Variants in ABLIM3 observed in about 807,000 individuals in gnomAD.
ABLIM3 encodes actin-binding LIM protein 3.
A neutral mutation model predicts 109.5 loss-of-function variants in ABLIM3; 61 were observed. The observed-to-expected ratio is 0.56, with a 90% confidence interval of 0.45 to 0.69. The LOEUF (loss-of-function observed/expected upper bound fraction) is 0.69. Among genes scored for constraint, ABLIM3 ranks in the 30% least tolerant of loss-of-function variants. The pLI is 0.00. For synonymous variants in ABLIM3, 300 were observed against 324.8 expected, an observed-to-expected ratio of 0.92 and a Z score of 0.82; for missense variants, 796 against 889.5, an observed-to-expected ratio of 0.89 and a Z score of 1.34.
Position 149,216,967 on chromosome 5 carries a change from G to A in ABLIM3, c.678G>A (p.Gly226=). 4 of 1,614,140 alleles carry A rather than the reference G, an allele frequency of 2.5e-6. No individual in the cohort carries two copies. The highest frequency in any genetic ancestry group is 3.4e-6 in the Non-Finnish European group (4 of 1,180,006). The change falls in exon 8 of 24, where the codon GGG becomes GGA. Residue 226 remains glycine (G), a synonymous_variant. Transcript: ENST00000309868. Reference sequence around the variant, plus strand: ...TCTTTTCATTTCCATAGGCAGGAGGGAAGCACTACCACCCAACCTGTGCCA... The same window carrying A: ...TCTTTTCATTTCCATAGGCAGGAGGAAAGCACTACCACCCAACCTGTGCCA... The part of the protein sequence containing the change: ...YISGRVLEAG[G]KHYHPTCARC...
chr5:149,251,553 T>G, intron 21 of ABLIM3, 134 bp downstream of exon 21: 1 of 1,032,904 alleles, frequency 9.7e-7, no homozygotes, highest in East Asian at 2.7e-5. Flanking sequence ...CCTGAGTTCT[T>G]ACTCTCTTTC....
intron 8 of ABLIM3, chr5:149,217,901 T>C (rs1476529362): frequency 1.3e-5 from 2 of 152,212 alleles, no homozygotes; most frequent in Non-Finnish European, 2.9e-5. Context: ...CCAGCGTCCA[T>C]GGTGAGGCTC....
intron 2 of ABLIM3, among the ~76,000 whole-genome samples, chr5:149,151,270 G>A (rs1753408958): frequency 1.3e-5 from 2 of 152,012 alleles, no homozygotes; most frequent in African/African-American, 4.8e-5. Flanking sequence ...CCTTCCACAG[G>A]GACACCCGTC....
intron 2 of ABLIM3, among the ~76,000 whole-genome samples, chr5:149,145,102 T>C (rs1752797415): frequency 6.6e-6 from 1 of 152,192 alleles, no homozygotes; most frequent in African/African-American, 2.4e-5. Context: ...GTACTGAGCA[T>C]AGTACCCAAT....
At chr5:149,177,514 C>T (rs1376927012) in intron 2 of ABLIM3, among the ~76,000 whole-genome samples, 20 of 152,186 alleles carry the variant, frequency 1.3e-4, no homozygotes. Flanking sequence ...CATTTCTCTG[C>T]AGGATATATC....
Position 149,235,538 on chromosome 5 carries a change from CA to C in ABLIM3, c.889-1907del, listed in dbSNP as rs777640585. 5.9e-5 allele frequency among the ~76,000 whole-genome samples: 9 copies of C among 152,082 alleles called. No individual in the cohort carries two copies. In the East Asian group the frequency reaches 1.3e-3, roughly 23 times the overall value. On this transcript the variant is annotated intron_variant, in intron 10 of 23. Transcript: ENST00000309868. Reference sequence around the variant, plus strand: ...TGAGGCTCATTTATAGCCCTGTAAACAAAGTGGCTATAGGAAGAAATATAAA... The same window carrying C: ...TGAGGCTCATTTATAGCCCTGTAAACAAGTGGCTATAGGAAGAAATATAAA...
rs186393824 is a variant in ABLIM3, at chr5:149,232,454, T to C, written c.817-775T>C. 3.2e-3 allele frequency among the ~76,000 whole-genome samples: 490 copies of C among 152,324 alleles called. 3 individuals carry two copies. The highest frequency in any genetic ancestry group is 0.011 in the African/African-American group (453 of 41,568). On this transcript the variant is annotated intron_variant, in intron 9 of 23. Transcript: ENST00000309868. ...TCTATGATTCAGTATTATCAAATGT[T>C]CCACCTTCATCTTCCCAGAACCACC...
chr5:149,181,362 G>A (rs1043443018), intron 2 of ABLIM3, among the ~76,000 whole-genome samples: 2 of 152,172 alleles, frequency 1.3e-5, no homozygotes, highest in Non-Finnish European at 1.5e-5. Context: ...GTGAACATTT[G>A]TGGAGCACTT....
chr5:149,252,729 G>A (rs778822299), intron 22 of ABLIM3, 28 bp from the exon 23 acceptor site: 7 of 1,590,386 alleles, frequency 4.4e-6, no homozygotes, highest in Admixed American at 1.7e-5. Flanking sequence ...CCTCACCCAA[G>A]CTGGAGACCA....
chr5:149,221,759 A>G (rs1256157893), intron 8 of ABLIM3, among the ~76,000 whole-genome samples: 1 of 152,192 alleles, frequency 6.6e-6, no homozygotes, highest in African/African-American at 2.4e-5. Context: ...GAAATCCCAA[A>G]GGTTGCAGTT....
chr5:149,169,658 T>G (rs1755188321), intron 2 of ABLIM3, among the ~76,000 whole-genome samples: 1 of 152,168 alleles, frequency 6.6e-6, no homozygotes. Flanking sequence ...AGAGAGAGTC[T>G]GTTCACAGAA....
intron 2 of ABLIM3, among the ~76,000 whole-genome samples, chr5:149,170,264 C>CTCTCTG (rs777442668): frequency 2.2e-5 from 3 of 134,464 alleles, no homozygotes; most frequent in Non-Finnish European, 3.2e-5. Context: ...CTCTCTCTCT[C>CTCTCTG]CTTCTCCCTC....
At chr5:149,234,379 G>A (rs546175899) in intron 10 of ABLIM3, among the ~76,000 whole-genome samples, 4 of 152,256 alleles carry the variant, frequency 2.6e-5, no homozygotes, top group Non-Finnish European at 4.4e-5. Context: ...GGGGAAAATG[G>A]TCTGTAACAA....
intron 6 of ABLIM3, 101 bp downstream of exon 6, chr5:149,207,235 T>C (rs2127509721): frequency 1.4e-6 from 2 of 1,480,848 alleles, no homozygotes; most frequent in Non-Finnish European, 1.8e-6. Context: ...TCTCCCTTCC[T>C]TTCCGTCTGC....
intron 2 of ABLIM3, among the ~76,000 whole-genome samples, chr5:149,163,087 G>A (rs1754523656): frequency 6.6e-6 from 1 of 152,242 alleles, no homozygotes; most frequent in South Asian, 2.1e-4. Flanking sequence ...ACCATGGCCA[G>A]GAGTCTGGCT....
Position 149,259,182 on chromosome 5 carries a change from G to A in ABLIM3, c.*778G>A. On this transcript the variant is annotated 3_prime_UTR_variant, in exon 24 of 24. Transcript: ENST00000309868. ...AGAGAGGGAGCGGAAGTGGGAGATG[G>A]AGCAGGGCACCTGTTAGAATCAGAG... 9.4e-7 allele frequency: 1 copy of A among 1,064,374 alleles called. No individual in the cohort carries two copies. Among genetic ancestry groups the A allele is most frequent in the Non-Finnish European group, 1.1e-6 (1 of 880,630 alleles). 65.9% of individuals were successfully genotyped at this position (1,064,374 alleles called of 1,614,324 possible).
In ABLIM3 at chr5:149,245,083, C is replaced by CAGTT. The variant is rs991954631; in HGVS notation, c.1486+69_1486+72dup. ...GTGCCAAGGACACGGGTGTTCAGAA[C>CAGTT]AGTTGCCCACTCCTTTATACAATCA... On this transcript the variant is annotated intron_variant, in intron 16 of 23. Coordinates refer to ENST00000309868, the MANE Select transcript of ABLIM3 (RefSeq NM_014945.5). 4 of 1,586,126 alleles carry CAGTT rather than the reference C, an allele frequency of 2.5e-6. No homozygotes were observed. In the African/African-American group the frequency reaches 5.4e-5, roughly 21 times the overall value.
intron 2 of ABLIM3, among the ~76,000 whole-genome samples, chr5:149,150,139 A>G (rs140314018): frequency 6.4e-4 from 97 of 152,326 alleles, no homozygotes; most frequent in African/African-American, 2.1e-3. Context: ...GCAGCTTCCC[A>G]GGGCACAGTC....
chr5:149,215,996 T>C (rs1345732838), intron 7 of ABLIM3, among the ~76,000 whole-genome samples: 2 of 152,188 alleles, frequency 1.3e-5, no homozygotes, highest in African/African-American at 4.8e-5. Context: ...TGCAAATTAT[T>C]TTCATTTTTA....
Sources: allele counts gnomAD v4.1 joint callset (sites outside exome capture counted in the v4.1 genomes callset), GRCh38; gene constraint gnomAD v4.1.1; transcripts MANE v1.5; gene names NCBI Gene and HGNC (gene_info 2026-07-23, HGNC 2026-07-21).